LIMK2: variants seen among roughly 807,000 people sequenced by gnomAD.
LIMK2 encodes LIM domain kinase 2.
A neutral mutation model predicts 75.7 loss-of-function variants in LIMK2; 35 were observed. The ratio of observed to expected loss-of-function variants is 0.46; its 90% CI spans 0.35 to 0.61. The LOEUF (loss-of-function observed/expected upper bound fraction) is 0.61, where lower values mean the gene tolerates loss of function less well. LIMK2 is among the 20% of genes least tolerant of loss of function. LIMK2 has a pLI of 0.00. For missense variants in LIMK2, 623 were observed against 831.0 expected, an observed-to-expected ratio of 0.75 and a Z score of 3.08; for synonymous variants, 301 against 319.2, an observed-to-expected ratio of 0.94 and a Z score of 0.61.
chr22:31,267,715 A>G (rs1236886736), intron 9 of LIMK2, 61 bp from the exon 10 acceptor site: 32 of 1,523,606 alleles, frequency 2.1e-5, no homozygotes, highest in Non-Finnish European at 2.6e-5. Context: ...CTTGGAGGGA[A>G]GAGGTAAGGA....
chr22:31,248,867 C>A, intron 2 of LIMK2: 1 of 1,327,806 alleles, frequency 7.5e-7, no homozygotes, highest in Non-Finnish European at 1.1e-6. Context: ...AGTCCTTTAC[C>A]ATCGGTTCTG....
At chr22:31,247,150 G>T (rs1397997919) in intron 2 of LIMK2, among the ~76,000 whole-genome samples, 3 of 152,164 alleles carry the variant, frequency 2.0e-5, no homozygotes, top group Non-Finnish European at 2.9e-5. Context: ...CTTTACAATG[G>T]TGAGCGGTGT....
intron 2 of LIMK2, among the ~76,000 whole-genome samples, chr22:31,241,764 G>T (rs894517246): frequency 1.3e-5 from 2 of 152,144 alleles, no homozygotes; most frequent in African/African-American, 4.8e-5. Context: ...AGCAACTATA[G>T]CACTAGAACA....
intron 2 of LIMK2, among the ~76,000 whole-genome samples, chr22:31,228,933 T>G (rs2048501472): frequency 6.7e-6 from 1 of 150,012 alleles, no homozygotes; most frequent in South Asian, 2.1e-4. Context: ...GGGGACAGAG[T>G]GAAACCCCTG....
chr22:31,277,234 GC>G, intron 15 of LIMK2: 2 of 1,580,084 alleles, frequency 1.3e-6, no homozygotes, highest in African/African-American at 1.3e-5. Flanking sequence ...CTGCGGCCAG[GC>G]CTGGTTCCAT....
chr22:31,222,561 G>A (rs1317551231), intron 1 of LIMK2, among the ~76,000 whole-genome samples: 1 of 151,590 alleles, frequency 6.6e-6, no homozygotes, highest in Non-Finnish European at 1.5e-5. Flanking sequence ...TTTTAGTAGA[G>A]GTGGGGTTTT....
intron 2 of LIMK2, among the ~76,000 whole-genome samples, chr22:31,227,522 T>C (rs1336533887): frequency 1.3e-5 from 2 of 152,264 alleles, no homozygotes; most frequent in South Asian, 2.1e-4. Context: ...GTGGATCTTA[T>C]TGCCTTGGTT....
At position 31,273,441 on chromosome 22, in the gene LIMK2, T is replaced by G; in HGVS notation, c.1559-11T>G. ...GTAAACTTAACAGTGTGCTCTCCTG[T>G]GTTCCCCAAGGAAAGAGCTATGATG... On this transcript the variant is annotated splice_polypyrimidine_tract_variant and intron_variant, in intron 13 of 15. Coordinates refer to ENST00000331728, the MANE Select transcript of LIMK2 (RefSeq NM_005569.4). 1 of 1,612,332 alleles carries G rather than the reference T, an allele frequency of 6.2e-7. No individual in the cohort carries two copies. Among genetic ancestry groups the G allele is most frequent in the Non-Finnish European group, 8.5e-7 (1 of 1,178,466 alleles).
chr22:31,268,102 A>T, intron 10 of LIMK2, 42 bp from the exon 11 acceptor site: 1 of 1,594,486 alleles, frequency 6.3e-7, no homozygotes, highest in Non-Finnish European at 8.6e-7. Context: ...CACGAGTGGG[A>T]CAGGGCTCAA....
intron 11 of LIMK2, among the ~76,000 whole-genome samples, chr22:31,268,798 A>G (rs1161472156): frequency 6.6e-6 from 1 of 152,248 alleles, no homozygotes; most frequent in Non-Finnish European, 1.5e-5. Context: ...TCCTCATGAC[A>G]ACCTTGGTTT....
intron 1 of LIMK2, among the ~76,000 whole-genome samples, chr22:31,214,579 C>CTCAT (rs2048374336): frequency 1.3e-5 from 2 of 151,926 alleles, no homozygotes; most frequent in African/African-American, 4.8e-5. Context: ...CAGGCATGAA[C>CTCAT]CACCATGCCC....
chr22:31,274,891 G>A (rs1408740022), intron 14 of LIMK2, among the ~76,000 whole-genome samples: 1 of 152,134 alleles, frequency 6.6e-6, no homozygotes, highest in Non-Finnish European at 1.5e-5. Flanking sequence ...GTGGAAGCTA[G>A]GAGCAGATGC....
chr22:31,225,948 A>G, intron 2 of LIMK2, 129 bp downstream of exon 2: 1 of 733,336 alleles, frequency 1.4e-6, no homozygotes, highest in Non-Finnish European at 2.3e-6. Context: ...AAAGGAATGT[A>G]CCAAGGAAGA....
chr22:31,262,559 C>A lies in LIMK2; in HGVS notation c.658-36C>A, dbSNP rs1568997851. 6.4e-7 allele frequency: 1 copy of A among 1,574,722 alleles called. No individual in the cohort carries two copies. The highest frequency in any genetic ancestry group is 2.3e-5 in the East Asian group (1 of 44,396). ...TGGCCATGGGTGGCCTGGGATGGGGCAGCCTGTGGGAGCTTTATACTGCTC... is the reference window on the plus strand; with the variant it reads ...TGGCCATGGGTGGCCTGGGATGGGGAAGCCTGTGGGAGCTTTATACTGCTC... On this transcript the variant is annotated intron_variant, in intron 6 of 15. Transcript: ENST00000331728. This position sits in a 1 kb window ranked among gnomAD's most constrained non-coding sequence, Gnocchi z 5.0.
chr22:31,213,557 C>T (rs553822119), intron 1 of LIMK2, among the ~76,000 whole-genome samples: 10 of 152,282 alleles, frequency 6.6e-5, no homozygotes, highest in Non-Finnish European at 1.0e-4. Flanking sequence ...GGGATTTTCT[C>T]TTCACTGGTG....
Position 31,266,070 on chromosome 22 carries a change from C to T in LIMK2, c.979C>T (p.Arg327Trp), listed in dbSNP as rs749049788. The part of the protein sequence containing the change: ...CSSSYSQQIF[R>W]PCDLIHGEVL... Reference sequence around the variant, plus strand: ...CAGCAGCTATTCACAGCAGATCTTCCGGCCCTGTGACCTAATCCATGGGGA... The same window carrying T: ...CAGCAGCTATTCACAGCAGATCTTCTGGCCCTGTGACCTAATCCATGGGGA... The change falls in exon 8 of 16, where the codon CGG (arginine) becomes TGG (tryptophan). Residue 327 changes from arginine to tryptophan, a missense_variant. Physicochemically the swap from Arg to Trp is moderately radical, Grantham distance 101. Around this residue, in one of 3 missense-constraint regions of LIMK2, gnomAD observed 514 missense variants for 661.3 expected, o/e 0.78. Transcript: ENST00000331728. 8.7e-6 allele frequency: 14 copies of T among 1,614,068 alleles called. No individual in the cohort carries two copies. Among genetic ancestry groups the T allele is most frequent in the African/African-American group, 2.7e-5 (2 of 74,920 alleles).
intron 2 of LIMK2, among the ~76,000 whole-genome samples, chr22:31,244,911 A>G (rs377733211): frequency 4.6e-5 from 7 of 152,322 alleles, no homozygotes; most frequent in East Asian, 1.9e-4. Context: ...TCTGGGTTCA[A>G]ATCCTGGCTT....
intron 1 of LIMK2, chr22:31,222,999 C>T (rs369502065): frequency 4.6e-5 from 7 of 152,090 alleles, no homozygotes; most frequent in Non-Finnish European, 7.3e-5. Context: ...GGTGTCATAC[C>T]GAGTAGCCCA....
chr22:31,234,334 A>AC (rs1165900450), intron 2 of LIMK2, among the ~76,000 whole-genome samples: 1 of 150,966 alleles, frequency 6.6e-6, no homozygotes, highest in Non-Finnish European at 1.5e-5. Flanking sequence ...CTTAAAAAAA[A>AC]AAAAAACAAA....
Sources: allele counts gnomAD v4.1 joint callset (sites outside exome capture counted in the v4.1 genomes callset), GRCh38; gene constraint gnomAD v4.1.1; regional missense constraint gnomAD v4.1.1; non-coding constraint Gnocchi (gnomAD v3.1); transcripts MANE v1.5; gene names NCBI Gene and HGNC (gene_info 2026-07-23, HGNC 2026-07-21).